PDE1C: variants seen among roughly 807,000 people sequenced by gnomAD.
PDE1C encodes the protein dual specificity calcium/calmodulin-dependent 3',5'-cyclic nucleotide phosphodiesterase 1C.
PDE1C carries 62 observed loss-of-function variants against 93.1 expected under a neutral mutation model. That is an observed-to-expected ratio of 0.67 (90% CI 0.54 to 0.82). The LOEUF is 0.82. Ranked by LOEUF, PDE1C falls within the 40% of genes least tolerant of loss-of-function variation. The probability of loss-of-function intolerance (pLI) is 0.00; values close to 1 mark genes in which losing one functional copy is unlikely to be tolerated. For missense variants in PDE1C, 742 were observed against 884.6 expected (o/e 0.84, Z 2.04); for synonymous variants, 325 against 310.1 (o/e 1.05, Z -0.50).
chr7:31,948,880 C>T (rs1806981212), intron 2 of PDE1C, among the ~76,000 whole-genome samples: 1 of 152,140 alleles, frequency 6.6e-6, no homozygotes, highest in African/African-American at 2.4e-5. Context: ...TTTCTAAAGG[C>T]AGTGAACTAA....
chr7:32,354,970 C>T (rs56913362), intron 1 of PDE1C, among the ~76,000 whole-genome samples: 13,521 of 152,300 alleles, frequency 0.089, 706 homozygotes, highest in East Asian at 0.13. Flanking sequence ...GAGTTTCCCT[C>T]TCTGGAGGAC....
intron 1 of PDE1C, among the ~76,000 whole-genome samples, chr7:32,248,772 A>G (rs1429864221): frequency 6.6e-6 from 1 of 152,242 alleles, no homozygotes; most frequent in Non-Finnish European, 1.5e-5. Context: ...AATCACACCG[A>G]TGAGGAAAAA....
upstream of PDE1C, chr7:32,070,706 A>C: frequency 8.2e-7 from 1 of 1,214,258 alleles, no homozygotes; most frequent in Non-Finnish European, 1.0e-6. Flanking sequence ...AAGAGAAAGC[A>C]CCTCGGGTCT....
chr7:32,206,188 T>C (rs1805491803), intron 2 of PDE1C, among the ~76,000 whole-genome samples: 1 of 152,124 alleles, frequency 6.6e-6, no homozygotes, highest in South Asian at 2.1e-4. Context: ...CACTAGCATG[T>C]AGGAGACCTT....
the PDE1C span, among the ~76,000 whole-genome samples, chr7:31,662,953 T>C: frequency 2.0e-5 from 3 of 152,214 alleles, no homozygotes; most frequent in Non-Finnish European, 2.9e-5. Context: ...TCTTACTGCA[T>C]GCAGGATGTA....
At chr7:31,711,157 G>A in the PDE1C span, among the ~76,000 whole-genome samples, 1 of 152,188 alleles carries the variant, frequency 6.6e-6, no homozygotes, top group Non-Finnish European at 1.5e-5. Flanking sequence ...TCCATCTGAT[G>A]TCAAATATGT....
intron 1 of PDE1C, among the ~76,000 whole-genome samples, chr7:32,419,671 A>T (rs1324116671): frequency 6.6e-6 from 1 of 152,000 alleles, no homozygotes; most frequent in African/African-American, 2.4e-5. Context: ...AAATGACAAT[A>T]TTTTGCAACT....
chr7:32,106,848 A>C (rs932917052), intron 3 of PDE1C, among the ~76,000 whole-genome samples: 1 of 152,150 alleles, frequency 6.6e-6, no homozygotes. Flanking sequence ...AAACAGACTC[A>C]AATATGGCAG....
intron 2 of PDE1C, among the ~76,000 whole-genome samples, chr7:32,206,631 G>T (rs1489756598): frequency 6.6e-6 from 1 of 152,164 alleles, no homozygotes; most frequent in Admixed American, 6.5e-5. Flanking sequence ...TGCCCTTGTG[G>T]CTACGATGCG....
intron 3 of PDE1C, among the ~76,000 whole-genome samples, chr7:32,148,993 G>A (rs1801074743): frequency 6.6e-6 from 1 of 152,178 alleles, no homozygotes; most frequent in Non-Finnish European, 1.5e-5. Flanking sequence ...TCATCGCTAT[G>A]TGTAAAGACA....
chr7:31,841,178 G>T (rs187747089), intron 9 of PDE1C, among the ~76,000 whole-genome samples: 77 of 146,496 alleles, frequency 5.3e-4, no homozygotes, highest in African/African-American at 1.8e-3. Flanking sequence ...TTTTCCAATG[G>T]TTTGCTGCTA....
chr7:31,951,336 T>A (rs948552876), intron 2 of PDE1C, among the ~76,000 whole-genome samples: 1 of 152,216 alleles, frequency 6.6e-6, no homozygotes, highest in African/African-American at 2.4e-5. Context: ...CCAGAAATTA[T>A]CTACAAATAG....
intron 3 of PDE1C, among the ~76,000 whole-genome samples, chr7:32,135,629 G>A (rs1189066633): frequency 3.9e-5 from 6 of 152,178 alleles, no homozygotes; most frequent in Non-Finnish European, 7.4e-5. Context: ...TGGCAAGGGT[G>A]TGGAGAAAAG....
In PDE1C at chr7:32,341,178, T is replaced by TTTATTTTTTTTATTTTA. The variant is rs1562682190; in HGVS notation, c.310+86643_310+86644insTAAAATAAAAAAAATAA. ...AACTACTCTAGAAATAAAGTCTTTT[T>TTTATTTTTTTTATTTTA]TTTTTTTTTTTTTTTGAGACGGAGT... On this transcript the variant is annotated intron_variant, in intron 1 of 1. Transcript: ENST00000672256. Among the ~76,000 whole-genome samples, 89 of 110,598 alleles carry TTTATTTTTTTTATTTTA rather than the reference T, an allele frequency of 8.0e-4. 2 individuals carry two copies. The highest frequency in any genetic ancestry group is 2.7e-3 in the African/African-American group (84 of 30,976). 72.6% of individuals were successfully genotyped at this position (110,598 alleles called of 152,430 possible). A position where few individuals can be genotyped will look rare whatever the true frequency, so the allele number is the denominator to read the frequency against.
chr7:31,721,793 C>T, the PDE1C span, among the ~76,000 whole-genome samples: 2 of 152,162 alleles, frequency 1.3e-5, no homozygotes, highest in African/African-American at 4.8e-5. Context: ...AAATGTCCAG[C>T]CACTTTTGTG....
At chr7:32,194,140 TCCTGACCTCGTG>T (rs768304251) in intron 2 of PDE1C, among the ~76,000 whole-genome samples, 12 of 152,158 alleles carry the variant, frequency 7.9e-5, no homozygotes, top group Non-Finnish European at 1.6e-4. Flanking sequence ...GGTCTCAATC[TCCTGACCTCGTG>T]ATCTGCCCGC....
At chr7:31,730,633 T>C in the PDE1C span, among the ~76,000 whole-genome samples, 1 of 152,244 alleles carries the variant, frequency 6.6e-6, no homozygotes, top group Non-Finnish European at 1.5e-5. Context: ...TCCTACTCTG[T>C]GCCAAGTACT....
chr7:31,932,750 A>G (rs1298263370), intron 2 of PDE1C, among the ~76,000 whole-genome samples: 1 of 152,184 alleles, frequency 6.6e-6, no homozygotes, highest in African/African-American at 2.4e-5. Flanking sequence ...ATTCTACCAT[A>G]AAGACACATG....
At chr7:32,108,230 C>CAAAAAAAAAA (rs71559210) in intron 3 of PDE1C, among the ~76,000 whole-genome samples, 4 of 77,060 alleles carry the variant, frequency 5.2e-5, no homozygotes, top group African/African-American at 1.0e-4. Flanking sequence ...AAAAGCAAGA[C>CAAAAAAAAAA]AAAAAAAAAA....
Sources: gnomAD v4.1 joint callset for allele counts (sites outside exome capture counted in the v4.1 genomes callset) on GRCh38, gnomAD v4.1.1 for gene constraint, MANE v1.5 for transcripts, NCBI Gene and HGNC (gene_info 2026-07-23, HGNC 2026-07-21) for gene names.